The following GSK3B variants were observed in gnomAD, a reference collection of about 807,000 sequenced individuals.
The protein encoded by GSK3B is glycogen synthase kinase-3 beta.
GSK3B carries 15 observed loss-of-function variants against 56.4 expected under a neutral mutation model. The observed-to-expected ratio is 0.27, with a 90% CI of 0.18 to 0.41. The LOEUF (loss-of-function observed/expected upper bound fraction) is 0.41, where lower values mean the gene tolerates loss of function less well. Among genes scored for constraint, GSK3B ranks in the 10% least tolerant of loss-of-function variants. The pLI is 1.00. For missense variants in GSK3B, 300 were observed against 513.4 expected (o/e 0.58, Z 4.02); for synonymous variants, 181 against 188.9 (o/e 0.96, Z 0.34).
chr3:119,926,322 A>G (rs1324984031), intron 3 of GSK3B, among the ~76,000 whole-genome samples: 2 of 135,610 alleles, frequency 1.5e-5, no homozygotes, highest in Non-Finnish European at 3.0e-5. Context: ...CTTCTCTCTT[A>G]CACTTCCACA....
chr3:120,024,014 T>C (rs207463662), intron 1 of GSK3B, among the ~76,000 whole-genome samples: 3 of 152,188 alleles, frequency 2.0e-5, no homozygotes, highest in African/African-American at 7.2e-5. Flanking sequence ...ACAACATAAA[T>C]GGACTCCAAA....
intron 10 of GSK3B, among the ~76,000 whole-genome samples, chr3:119,838,027 C>T (rs2055718348): frequency 6.6e-6 from 1 of 150,580 alleles, no homozygotes; most frequent in Non-Finnish European, 1.5e-5. Flanking sequence ...GTGGCTCACA[C>T]CTGTAATCCC....
intron 2 of GSK3B, among the ~76,000 whole-genome samples, chr3:119,962,443 G>A (rs923573036): frequency 1.3e-5 from 2 of 150,978 alleles, no homozygotes; most frequent in African/African-American, 2.4e-5. Context: ...ACACAACAGT[G>A]AAAAACAGAA....
Position 119,824,962 on chromosome 3 carries a change from C to A in GSK3B, c.*1826G>T. On this transcript the variant is annotated 3_prime_UTR_variant, in exon 11 of 11. Transcript: ENST00000264235. Reference sequence around the variant, plus strand: ...CTGCCAACAGACTCCACTTCCGAACCCTCTGGAGGACGAGACCCATAAAGT... The same window carrying A: ...CTGCCAACAGACTCCACTTCCGAACACTCTGGAGGACGAGACCCATAAAGT... The A allele has an allele frequency of 5.5e-6, 1 of 182,260 alleles. No homozygotes were observed. The highest frequency in any genetic ancestry group is 1.2e-5 in the Non-Finnish European group (1 of 85,534). 11.3% of individuals were successfully genotyped at this position (182,260 alleles called of 1,614,324 possible). A position where few individuals can be genotyped will look rare whatever the true frequency, so the allele number is the denominator to read the frequency against.
intron 1 of GSK3B, among the ~76,000 whole-genome samples, chr3:120,015,100 T>C (rs564119715): frequency 1.3e-5 from 2 of 152,322 alleles, no homozygotes; most frequent in African/African-American, 2.4e-5. Flanking sequence ...AAAATGGAAA[T>C]AGCTGCTACT....
intron 7 of GSK3B, among the ~76,000 whole-genome samples, chr3:119,887,001 A>G (rs1173756034): frequency 6.6e-6 from 1 of 152,120 alleles, no homozygotes; most frequent in African/African-American, 2.4e-5. Context: ...CCCTGAATCT[A>G]AAATAAAAGT....
chr3:119,916,404 AAT>A (rs1414699560), intron 4 of GSK3B, among the ~76,000 whole-genome samples: 2 of 152,190 alleles, frequency 1.3e-5, no homozygotes, highest in African/African-American at 4.8e-5. Context: ...TTCATTCTTT[AAT>A]AACTCAAAAG....
At chr3:120,070,145 G>A (rs1209858045) in intron 1 of GSK3B, among the ~76,000 whole-genome samples, 1 of 151,712 alleles carries the variant, frequency 6.6e-6, no homozygotes, top group African/African-American at 2.4e-5. Flanking sequence ...CCCAGGAGGT[G>A]GAAGCTGCAG....
At chr3:119,867,410 C>T (rs957457118) in intron 8 of GSK3B, among the ~76,000 whole-genome samples, 23 of 152,040 alleles carry the variant, frequency 1.5e-4, no homozygotes, top group Admixed American at 7.2e-4. Context: ...CCCTTGCACC[C>T]GGTACTTAGG....
chr3:119,881,461 T>C (rs1459980083), intron 7 of GSK3B, among the ~76,000 whole-genome samples: 1 of 152,160 alleles, frequency 6.6e-6, no homozygotes, highest in African/African-American at 2.4e-5. Context: ...AACAATATAT[T>C]TGCATATACT....
chr3:120,086,560 G>C (rs1293730719), intron 1 of GSK3B, among the ~76,000 whole-genome samples: 2 of 152,160 alleles, frequency 1.3e-5, no homozygotes, highest in East Asian at 3.8e-4. Flanking sequence ...CACTGTGGGA[G>C]GCTGAGGCAG....
At chr3:120,076,520 AT>A (rs767171029) in intron 1 of GSK3B, among the ~76,000 whole-genome samples, 25 of 152,174 alleles carry the variant, frequency 1.6e-4, no homozygotes, top group Non-Finnish European at 3.2e-4. Flanking sequence ...ATATAACTCT[AT>A]TTAAAAATGG....
At chr3:119,987,707 A>G (rs909294668) in intron 2 of GSK3B, among the ~76,000 whole-genome samples, 10 of 152,326 alleles carry the variant, frequency 6.6e-5, no homozygotes, top group Non-Finnish European at 1.2e-4. Context: ...TTAAAATTGG[A>G]TAAATATGCC....
chr3:119,860,844 A>G (rs2056092339), intron 9 of GSK3B, among the ~76,000 whole-genome samples: 1 of 152,166 alleles, frequency 6.6e-6, no homozygotes, highest in Admixed American at 6.5e-5. Flanking sequence ...CACCTACTAT[A>G]TGTACTTTAT....
intron 1 of GSK3B, among the ~76,000 whole-genome samples, chr3:120,085,832 T>C (rs1366526658): frequency 2.6e-5 from 4 of 152,000 alleles, no homozygotes; most frequent in African/African-American, 9.7e-5. Context: ...TATTAACTAA[T>C]TTTATAAAAT....
At chr3:120,065,001 T>A (rs2058267609) in intron 1 of GSK3B, among the ~76,000 whole-genome samples, 1 of 152,106 alleles carries the variant, frequency 6.6e-6, no homozygotes, top group Non-Finnish European at 1.5e-5. Flanking sequence ...CCTAAATATA[T>A]GAAATAAGAC....
At chr3:119,978,983 G>A (rs948292660) in intron 2 of GSK3B, among the ~76,000 whole-genome samples, 2 of 152,050 alleles carry the variant, frequency 1.3e-5, no homozygotes, top group African/African-American at 4.8e-5. Context: ...AGACACCCTC[G>A]GCTTCTTCTC....
intron 10 of GSK3B, among the ~76,000 whole-genome samples, chr3:119,833,232 A>T (rs1345854738): frequency 6.6e-6 from 1 of 151,276 alleles, no homozygotes; most frequent in South Asian, 2.1e-4. Flanking sequence ...CTCCATTTAC[A>T]CCTACTGCCA....
chr3:120,045,037 A>T (rs369628941), intron 1 of GSK3B, among the ~76,000 whole-genome samples: 1 of 152,182 alleles, frequency 6.6e-6, no homozygotes, highest in Non-Finnish European at 1.5e-5. Flanking sequence ...ACTTGTACTC[A>T]TTCTTATTGG....
Sources: gnomAD v4.1 joint callset for allele counts (sites outside exome capture counted in the v4.1 genomes callset) on GRCh38, gnomAD v4.1.1 for gene constraint, MANE v1.5 for transcripts, NCBI Gene and HGNC (gene_info 2026-07-23, HGNC 2026-07-21) for gene names.